The following RTN4 variants were observed in gnomAD, a reference collection of about 807,000 sequenced individuals.
The protein encoded by RTN4 is reticulon 4.
Under a neutral mutation model 90.4 loss-of-function variants are expected in RTN4, and 32 were observed. The observed-to-expected ratio is 0.35, with a 90% CI of 0.27 to 0.48. The LOEUF is 0.48. Ranked by LOEUF, RTN4 falls within the 20% of genes least tolerant of loss-of-function variation. The probability of loss-of-function intolerance (pLI) is 0.99; values close to 1 mark genes in which losing one functional copy is unlikely to be tolerated. For missense variants in RTN4, 1,706 were observed against 1,430.2 expected (o/e 1.19, Z -3.11); for synonymous variants, 629 against 552.5 (o/e 1.14, Z -1.94).
At chr2:55,066,649 G>A (rs1028654584) in intron 2 of RTN4, among the ~76,000 whole-genome samples, 9 of 151,864 alleles carry the variant, frequency 5.9e-5, no homozygotes, top group South Asian at 2.1e-4. Context: ...AGCCAAGATC[G>A]TGCCACTGCA....
Position 55,100,286 on chromosome 2 carries a change from T to A in RTN4, c.-214+12234A>T, listed in dbSNP as rs939364177. 4.6e-5 allele frequency among the ~76,000 whole-genome samples: 7 copies of A among 152,126 alleles called. 1 individual carries two copies. Among genetic ancestry groups the A allele is most frequent in the African/African-American group, 1.7e-4 (7 of 41,390 alleles). On this transcript the variant is annotated intron_variant, in intron 1 of 3. Coordinates refer to the RTN4 transcript ENST00000427710. Reference sequence around the variant, plus strand: ...GGGGCTTGGACAAGCCACATTCGTCTTGTCTTTCCTAGTTGAACACAGGGA... The same window carrying A: ...GGGGCTTGGACAAGCCACATTCGTCATGTCTTTCCTAGTTGAACACAGGGA...
At chr2:55,061,781 C>A (rs571310622) in intron 2 of RTN4, among the ~76,000 whole-genome samples, 2 of 152,192 alleles carry the variant, frequency 1.3e-5, no homozygotes, top group African/African-American at 4.8e-5. Flanking sequence ...AAAGGTGGGT[C>A]CCTGGCGAGG....
chr2:55,106,952 T>G (rs1388045879), intron 1 of RTN4, among the ~76,000 whole-genome samples: 1 of 152,106 alleles, frequency 6.6e-6, no homozygotes, highest in Non-Finnish European at 1.5e-5. Context: ...AAGTGTAAAA[T>G]CATATATTTT....
upstream of RTN4, among the ~76,000 whole-genome samples, chr2:55,053,385 A>G (rs1668130537): frequency 6.6e-6 from 1 of 152,216 alleles, no homozygotes; most frequent in African/African-American, 2.4e-5. Context: ...TCAATAATTT[A>G]TATTTGAAAA....
chr2:55,040,645 G>C (rs1683009001), intron 1 of RTN4, among the ~76,000 whole-genome samples: 2 of 151,990 alleles, frequency 1.3e-5, no homozygotes, highest in Admixed American at 1.3e-4. Flanking sequence ...GTCCTGTAAG[G>C]CCAATCACAA....
chr2:55,101,369 TAA>T (rs1667850536), intron 1 of RTN4, among the ~76,000 whole-genome samples: 1 of 152,154 alleles, frequency 6.6e-6, no homozygotes. Context: ...TTATCCATTG[TAA>T]TAATAATTTT....
the RTN4 span, among the ~76,000 whole-genome samples, chr2:55,135,208 GTTTTT>G: frequency 5.5e-5 from 6 of 109,136 alleles, no homozygotes; most frequent in East Asian, 2.5e-4. Context: ...TGTTTTTTTG[GTTTTT>G]TTTTTTTTTT....
In RTN4 at chr2:55,000,169, T is replaced by C. The variant is rs1679751207; in HGVS notation, c.3014-12471A>G. Among the ~76,000 whole-genome samples the C allele has an allele frequency of 2.0e-5, 3 of 152,134 alleles. No homozygotes were observed. The South Asian group carries it at 6.2e-4, about 31-fold the overall frequency. On this transcript the variant is annotated intron_variant, in intron 3 of 8. Transcript: ENST00000337526. ...TATGTAATGCTTAGCTAAGCCCTGA[T>C]TTTTTAAAAAAGGTGAATTCAACTT... is the stretch of plus-strand genomic sequence containing the variant.
chr2:54,998,649 T>C (rs1315648495), intron 3 of RTN4, among the ~76,000 whole-genome samples: 7 of 152,216 alleles, frequency 4.6e-5, no homozygotes, highest in Admixed American at 1.3e-4. Context: ...GCCTTTCATC[T>C]TTATATTCCC....
chr2:55,131,499 C>A, the RTN4 span, among the ~76,000 whole-genome samples: 1 of 152,136 alleles, frequency 6.6e-6, no homozygotes, highest in African/African-American at 2.4e-5. Flanking sequence ...TGAGCTACTG[C>A]ACCCAGCCTA....
rs768050376 is a variant in RTN4 at position 55,027,479 on chromosome 2, A to G, written c.620T>C (p.Met207Thr). Residue 207 changes from methionine to threonine, a missense_variant, in exon 3 of 9, where the codon ATG (methionine) becomes ACG (threonine). Transcript: ENST00000337526. Reference protein sequence around the residue: ...EPVIRSSAENMDLKEQPGNTI... With the variant: ...EPVIRSSAENTDLKEQPGNTI... Reference sequence around the variant, plus strand: ...GTTACCTGGCTGCTCCTTCAAGTCCATATTTTCTGTGACCATGGACAGAAA... The same window carrying G: ...GTTACCTGGCTGCTCCTTCAAGTCCGTATTTTCTGTGACCATGGACAGAAA... The G allele has an allele frequency of 8.7e-6, 14 of 1,600,834 alleles. No homozygotes were observed. The highest frequency in any genetic ancestry group is 5.4e-5 in the African/African-American group (4 of 74,240).
At chr2:55,065,186 T>A (rs2972075) in intron 2 of RTN4, among the ~76,000 whole-genome samples, 1 of 152,076 alleles carries the variant, frequency 6.6e-6, no homozygotes, top group Non-Finnish European at 1.5e-5. Flanking sequence ...TCCACTGGCA[T>A]GCCAATATCC....
the RTN4 span, among the ~76,000 whole-genome samples, chr2:55,137,403 C>A: frequency 1.3e-5 from 2 of 152,154 alleles, no homozygotes; most frequent in Non-Finnish European, 2.9e-5. Context: ...ACCAGAACCA[C>A]ACTTTAGGAG....
intron 3 of RTN4, among the ~76,000 whole-genome samples, chr2:54,990,928 G>A (rs527717068): frequency 9.2e-5 from 14 of 152,062 alleles, no homozygotes; most frequent in African/African-American, 2.4e-4. Context: ...TGGGGCAGGC[G>A]CCCGCCACCA....
intron 1 of RTN4, among the ~76,000 whole-genome samples, chr2:55,088,985 T>G (rs1268159828): frequency 1.3e-5 from 2 of 152,142 alleles, no homozygotes; most frequent in Non-Finnish European, 2.9e-5. Flanking sequence ...CAGGCTGGAG[T>G]GCAGTGGCGC....
chr2:54,991,202 T>G (rs1196227681), intron 3 of RTN4, among the ~76,000 whole-genome samples: 2 of 152,334 alleles, frequency 1.3e-5, no homozygotes, highest in East Asian at 3.9e-4. Context: ...AATGCAGATG[T>G]ACTTGCTATT....
In RTN4 at chr2:55,025,910, T is replaced by C; in HGVS notation, c.2189A>G (p.Asp730Gly). The C allele has an allele frequency of 6.2e-7, 1 of 1,613,680 alleles. No homozygotes were observed. The highest frequency in any genetic ancestry group is 8.5e-7 in the Non-Finnish European group (1 of 1,179,838). Residue 730 changes from aspartate (D) to glycine (G), a missense_variant, in exon 3 of 9, where the codon GAT (aspartate) becomes GGT (glycine). By Grantham distance (94) the Asp-to-Gly change is moderately conservative. Coordinates refer to ENST00000337526, the MANE Select transcript of RTN4 (RefSeq NM_020532.5). ...GGAATCTTCAACTAGCTCAGAATGA[T>C]CAGGCACTGGCTGTTCAACTTTTGC... Reference protein sequence around the residue: ...EMAKVEQPVPDHSELVEDSSP... With the variant: ...EMAKVEQPVPGHSELVEDSSP...
intron 5 of RTN4, among the ~76,000 whole-genome samples, chr2:54,975,700 T>C (rs1442802593): frequency 6.6e-6 from 1 of 152,220 alleles, no homozygotes; most frequent in Non-Finnish European, 1.5e-5. Context: ...TCTTTCTCCA[T>C]GTATTAAACG....
At chr2:54,995,896 C>T (rs1297854555) in intron 3 of RTN4, among the ~76,000 whole-genome samples, 2 of 152,018 alleles carry the variant, frequency 1.3e-5, no homozygotes, top group Non-Finnish European at 1.5e-5. Flanking sequence ...TTTTCTCTTC[C>T]TCATGCACAT....
Sources: allele counts gnomAD v4.1 joint callset (sites outside exome capture counted in the v4.1 genomes callset), GRCh38; gene constraint gnomAD v4.1.1; transcripts MANE v1.5; gene names NCBI Gene and HGNC (gene_info 2026-07-23, HGNC 2026-07-21).